The following FASTKD2 variants were observed in gnomAD, a reference collection of about 807,000 sequenced individuals.
The protein encoded by FASTKD2 is FAST kinase domain-containing protein 2, mitochondrial.
FASTKD2 carries 51 observed loss-of-function variants against 63.6 expected under a neutral mutation model. The observed-to-expected ratio is 0.80, with a 90% CI of 0.64 to 1.01. The LOEUF (loss-of-function observed/expected upper bound fraction) is 1.01. Among genes scored for constraint, FASTKD2 ranks in the 50% least tolerant of loss-of-function variants. FASTKD2 has a pLI of 0.00. For synonymous variants in FASTKD2, 284 were observed against 293.4 expected, an observed-to-expected ratio of 0.97 and a Z score of 0.33; for missense variants, 786 against 831.1, an observed-to-expected ratio of 0.95 and a Z score of 0.67.
At chr2:206,788,587 T>C (rs1196960532) in intron 9 of FASTKD2, among the ~76,000 whole-genome samples, 2 of 151,686 alleles carry the variant, frequency 1.3e-5, no homozygotes, top group African/African-American at 2.4e-5. Context: ...ATACAAAACT[T>C]AGATGGGCGT....
chr2:206,771,361 G>C (rs1689677250), intron 4 of FASTKD2, 71 bp downstream of exon 4: 1 of 899,392 alleles, frequency 1.1e-6, no homozygotes, highest in Non-Finnish European at 1.9e-6. Flanking sequence ...ATCACTGCCT[G>C]AAGTCAATTT....
chr2:206,767,131 C>A lies in FASTKD2; in HGVS notation c.438C>A (p.Thr146=). 1 of 1,613,926 alleles carries A rather than the reference C, an allele frequency of 6.2e-7. No homozygotes were observed. Residue 146 remains threonine, a synonymous_variant, in exon 2 of 12, where the codon ACC becomes ACA. Transcript: ENST00000402774. ...AAGTCTCCAATGAAGATGTTCTTAC[C>A]AAGGAAACAAAACCAAACCGTATCA... ...NHEVSNEDVL[T]KETKPNRISS...
At chr2:206,789,131 T>C (rs1460820706) in intron 10 of FASTKD2, 1 of 512,620 alleles carries the variant, frequency 2.0e-6, no homozygotes, top group South Asian at 2.5e-5. Context: ...ACAGACATTT[T>C]TTTAAAATTA....
At chr2:206,782,509 A>G (rs551598071) in intron 7 of FASTKD2, among the ~76,000 whole-genome samples, 2 of 152,360 alleles carry the variant, frequency 1.3e-5, no homozygotes, top group African/African-American at 2.4e-5. Flanking sequence ...AACCACAGCC[A>G]TGCATTCCTA....
intron 2 of FASTKD2, 75 bp from the exon 3 acceptor site, chr2:206,770,012 AGTTC>A (rs1463250041): frequency 2.7e-5 from 23 of 855,814 alleles, no homozygotes; most frequent in Non-Finnish European, 4.5e-5. Context: ...TCAGTACATC[AGTTC>A]AGTGGTTTTG....
chr2:206,779,070 C>G (rs1377988534), intron 7 of FASTKD2, among the ~76,000 whole-genome samples: 4 of 152,160 alleles, frequency 2.6e-5, no homozygotes, highest in African/African-American at 9.7e-5. Context: ...ATTGTATCAT[C>G]TGTTTCTCCC....
intron 8 of FASTKD2, 112 bp downstream of exon 8, chr2:206,787,011 C>A: frequency 1.4e-6 from 1 of 724,472 alleles, no homozygotes; most frequent in Non-Finnish European, 2.4e-6. Flanking sequence ...TTGAAATTTG[C>A]AGAGCAGGTG....
In FASTKD2 at chr2:206,788,128, G is replaced by T; in HGVS notation, c.1786G>T (p.Val596Leu). ...LGGEGHFSKDVHLPHNYHIDF... is the reference protein window; with the variant it reads ...LGGEGHFSKDLHLPHNYHIDF... Reference sequence around the variant, plus strand: ...AGGTGAAGGACACTTCTCAAAGGATGTGCACTTGCCACACAATTATCATAT... The same window carrying T: ...AGGTGAAGGACACTTCTCAAAGGATTTGCACTTGCCACACAATTATCATAT... The change falls in exon 9 of 12, where the codon GTG becomes TTG. Residue 596 changes from valine to leucine, a missense_variant. By Grantham distance (32) the Val-to-Leu change is conservative. Transcript: ENST00000402774. The T allele has an allele frequency of 6.2e-7, 1 of 1,606,622 alleles. No individual in the cohort carries two copies. Among genetic ancestry groups the T allele is most frequent in the Non-Finnish European group, 8.5e-7 (1 of 1,175,056 alleles).
rs1205704491 is a variant in FASTKD2, at chr2:206,794,394, T to C, written c.*2592T>C. The stretch of plus-strand genomic sequence containing the variant: ...AATAGCTACATGCAATTCTTTTTTA[T>C]TATTTTTTAATTTTAATTTTTAGAT... On this transcript the variant is annotated 3_prime_UTR_variant, in exon 12 of 12. Transcript: ENST00000402774. Among the ~76,000 whole-genome samples, 2 of 152,342 alleles carry C rather than the reference T, an allele frequency of 1.3e-5. No homozygotes were observed. Among genetic ancestry groups the C allele is most frequent in the East Asian group, 3.9e-4 (2 of 5,190 alleles).
rs1689551300 is a variant in FASTKD2, at chr2:206,767,440, T to C, written c.747T>C (p.Ile249=). 6.2e-7 allele frequency: 1 copy of C among 1,612,362 alleles called. No individual in the cohort carries two copies. The highest frequency in any genetic ancestry group is 1.7e-5 in the Admixed American group (1 of 60,028). ...IVKLGIPQNT[I]LVQTLLRVTQ... ...AGCTTGGAATCCCTCAGAACACTATTTTGGTGCAGACTTTGCTGAGGGTGA... is the reference window on the plus strand; with the variant it reads ...AGCTTGGAATCCCTCAGAACACTATCTTGGTGCAGACTTTGCTGAGGGTGA... The change falls in exon 2 of 12, where the codon ATT becomes ATC. Residue 249 remains isoleucine, a synonymous_variant. Coordinates refer to ENST00000402774, the MANE Select transcript of FASTKD2 (RefSeq NM_001136193.2).
At chr2:206,771,130 T>C in intron 3 of FASTKD2, 52 bp from the exon 4 acceptor site, 1 of 1,125,604 alleles carries the variant, frequency 8.9e-7, no homozygotes, top group Non-Finnish European at 1.3e-6. Context: ...TTAAGATTTT[T>C]CTTCTGCTTT....
In FASTKD2 at chr2:206,767,045, C is replaced by T; in HGVS notation, c.352C>T (p.Gln118Ter). The change falls in exon 2 of 12, where the codon CAG becomes TAG. Residue 118 changes from glutamine (Q) to a stop codon, truncating the protein, a stop_gained. Coordinates refer to ENST00000402774, the MANE Select transcript of FASTKD2 (RefSeq NM_001136193.2). LOFTEE classifies it high-confidence loss of function. Reference sequence around the variant, plus strand: ...TAAAAGACTGTTTTTTGACTCAAAGCAGTCTCTTGTCCCTGTTGATAAATC... The same window carrying T: ...TAAAAGACTGTTTTTTGACTCAAAGTAGTCTCTTGTCCCTGTTGATAAATC... Reference protein sequence around the residue: ...YAKRLFFDSKQSLVPVDKSDD... With the variant: ...YAKRLFFDSK 1 of 1,613,860 alleles carries T rather than the reference C, an allele frequency of 6.2e-7. No homozygotes were observed. Among genetic ancestry groups the T allele is most frequent in the South Asian group, 1.1e-5 (1 of 91,070 alleles).
intron 9 of FASTKD2, 126 bp downstream of exon 9, chr2:206,788,281 T>C (rs1464842973): frequency 4.7e-6 from 3 of 633,164 alleles, no homozygotes; most frequent in East Asian, 5.5e-5. Flanking sequence ...ACTGGCCTGA[T>C]TCTTGCCTCA....
chr2:206,777,961 T>G (rs908376553), intron 7 of FASTKD2, among the ~76,000 whole-genome samples: 3 of 152,172 alleles, frequency 2.0e-5, no homozygotes, highest in African/African-American at 7.2e-5. Context: ...TAGTCTCTTA[T>G]GAGCCTTTTT....
Position 206,766,823 on chromosome 2 carries a change from T to C in FASTKD2, c.130T>C (p.Cys44Arg). 1 of 1,612,260 alleles carries C rather than the reference T, an allele frequency of 6.2e-7. No individual in the cohort carries two copies. The highest frequency in any genetic ancestry group is 8.5e-7 in the Non-Finnish European group (1 of 1,178,916). ...LVSTSRTMRL[C>R]CLGLCKPKIV... Reference sequence around the variant, plus strand: ...TTCAACAAGCAGAACTATGAGGCTATGTTGTTTGGGACTTTGCAAACCAAA... The same window carrying C: ...TTCAACAAGCAGAACTATGAGGCTACGTTGTTTGGGACTTTGCAAACCAAA... The change falls in exon 2 of 12, where the codon TGT becomes CGT. Residue 44 changes from cysteine (C) to arginine (R), a missense_variant. By Grantham distance (180) the Cys-to-Arg change is radical. Coordinates refer to ENST00000402774, the MANE Select transcript of FASTKD2 (RefSeq NM_001136193.2).
chr2:206,769,838 A>G (rs1176897493), intron 2 of FASTKD2, among the ~76,000 whole-genome samples: 1 of 152,234 alleles, frequency 6.6e-6, no homozygotes, highest in Non-Finnish European at 1.5e-5. Context: ...TAAATATCAA[A>G]TGTGTTTTCA....
At chr2:206,787,272 G>C (rs1388492109) in intron 8 of FASTKD2, among the ~76,000 whole-genome samples, 1 of 152,046 alleles carries the variant, frequency 6.6e-6, no homozygotes, top group African/African-American at 2.4e-5. Context: ...GTCAATTTTT[G>C]CAGCTGTAAA....
chr2:206,781,497 G>T (rs1689976746), intron 7 of FASTKD2, among the ~76,000 whole-genome samples: 1 of 151,294 alleles, frequency 6.6e-6, no homozygotes, highest in Admixed American at 6.6e-5. Context: ...TGTAGTTTTG[G>T]TAGAGACGGG....
chr2:206,779,510 C>G (rs1257998218), intron 7 of FASTKD2, among the ~76,000 whole-genome samples: 1 of 152,148 alleles, frequency 6.6e-6, no homozygotes, highest in East Asian at 1.9e-4. Context: ...AAGCAGTCAC[C>G]TTCACAAGGT....
Sources: allele counts gnomAD v4.1 joint callset (sites outside exome capture counted in the v4.1 genomes callset), GRCh38; gene constraint gnomAD v4.1.1; transcripts MANE v1.5; gene names NCBI Gene and HGNC (gene_info 2026-07-23, HGNC 2026-07-21).